Variants in CIT observed in about 807,000 individuals in gnomAD.
CIT encodes citron Rho-interacting kinase.
Under a neutral mutation model 272.7 loss-of-function variants are expected in CIT, and 79 were observed. That is an observed-to-expected ratio of 0.29 (90% CI 0.24 to 0.35). CIT has a LOEUF of 0.35. Ranked by LOEUF, CIT falls within the 10% of genes least tolerant of loss-of-function variation. The pLI, the probability that CIT is intolerant of heterozygous loss-of-function variation, is 1.00. For missense variants in CIT, 1,909 were observed against 2,618.3 expected, an observed-to-expected ratio of 0.73 and a Z score of 5.91; for synonymous variants, 948 against 995.6, an observed-to-expected ratio of 0.95 and a Z score of 0.90.
At chr12:119,722,016 G>A (rs991161817) in intron 28 of CIT, among the ~76,000 whole-genome samples, 1 of 152,050 alleles carries the variant, frequency 6.6e-6, no homozygotes, top group African/African-American at 2.4e-5. Context: ...CAACGTTGGG[G>A]GAAAAGAAGA....
intron 4 of CIT, among the ~76,000 whole-genome samples, chr12:119,851,603 G>A (rs1206501717): frequency 6.6e-6 from 1 of 152,222 alleles, no homozygotes; most frequent in East Asian, 1.9e-4. Flanking sequence ...GTTCTCAGTG[G>A]CCAAGTTGGG....
chr12:119,762,111 C>T (rs547488189), intron 19 of CIT, among the ~76,000 whole-genome samples: 24 of 152,256 alleles, frequency 1.6e-4, no homozygotes, highest in African/African-American at 5.8e-4. Flanking sequence ...CCAACAATGT[C>T]TATTGTGAAA....
rs1957267361 is a variant in CIT at position 119,713,239 on chromosome 12, A to T, written c.4543T>A (p.Ser1515Thr). 1 of 1,613,872 alleles carries T rather than the reference A, an allele frequency of 6.2e-7. No individual in the cohort carries two copies. Among genetic ancestry groups the T allele is most frequent in the Non-Finnish European group, 8.5e-7 (1 of 1,179,958 alleles). Residue 1515 changes from serine (S) to threonine (T), a missense_variant, in exon 35 of 48, where the codon TCA becomes ACA. Coordinates refer to ENST00000392521, the MANE Select transcript of CIT (RefSeq NM_001206999.2). The surrounding 1 kb of genome is among the most constrained non-coding windows in gnomAD (Gnocchi z 5.2). ...TCATTGTCATAAATGAGGACTTTTG[A>T]TCCCTCCAGGACAATGTACTTCCTG... ...WDRKYIVLEGSKVLIYDNEAR... is the reference protein window; with the variant it reads ...WDRKYIVLEGTKVLIYDNEAR...
chr12:119,847,067 C>T (rs1566120048), intron 5 of CIT, among the ~76,000 whole-genome samples: 1 of 151,902 alleles, frequency 6.6e-6, no homozygotes, highest in Non-Finnish European at 1.5e-5. Context: ...TCACTGCAAG[C>T]TCCGCCTCCC....
intron 27 of CIT, among the ~76,000 whole-genome samples, chr12:119,730,085 A>G (rs1205612235): frequency 1.3e-5 from 2 of 152,190 alleles, no homozygotes; most frequent in Non-Finnish European, 2.9e-5. Flanking sequence ...TGGAACACGG[A>G]GAAGCTGAGC....
At chr12:119,752,403 A>T (rs1381430320) in intron 22 of CIT, among the ~76,000 whole-genome samples, 156 bp from the exon 23 acceptor site, 1 of 152,216 alleles carries the variant, frequency 6.6e-6, no homozygotes, top group Non-Finnish European at 1.5e-5. Context: ...ATGCAACAAA[A>T]TGGGCCTGAG....
intron 26 of CIT, among the ~76,000 whole-genome samples, chr12:119,731,293 G>C (rs1958422050): frequency 6.6e-6 from 1 of 151,872 alleles, no homozygotes; most frequent in African/African-American, 2.4e-5. Flanking sequence ...TGGCCAACAT[G>C]GTGAAACCCC....
intron 7 of CIT, among the ~76,000 whole-genome samples, chr12:119,831,635 C>T (rs1455903591): frequency 6.6e-6 from 1 of 152,136 alleles, no homozygotes; most frequent in Non-Finnish European, 1.5e-5. Context: ...TTTGGGAGGC[C>T]GAAGCGAGTG....
chr12:119,825,093 C>T, intron 8 of CIT, 72 bp downstream of exon 8: 1 of 1,399,838 alleles, frequency 7.1e-7, no homozygotes, highest in Non-Finnish European at 9.9e-7. Flanking sequence ...AGCCACCACG[C>T]CCAGCCTCAT....
At chr12:119,872,125 T>A (rs1950696968) in intron 2 of CIT, among the ~76,000 whole-genome samples, 1 of 152,230 alleles carries the variant, frequency 6.6e-6, no homozygotes, top group Non-Finnish European at 1.5e-5. Context: ...TTAAAAATGG[T>A]CCTTTATTCT....
intron 40 of CIT, among the ~76,000 whole-genome samples, chr12:119,707,322 T>C (rs946653482): frequency 1.1e-4 from 17 of 152,344 alleles, no homozygotes; most frequent in Middle Eastern, 3.4e-3. Flanking sequence ...CACAAATTAT[T>C]TCACGTGCCT....
chr12:119,806,745 T>A (rs1966635590), intron 9 of CIT, among the ~76,000 whole-genome samples: 1 of 151,554 alleles, frequency 6.6e-6, no homozygotes, highest in African/African-American at 2.4e-5. Flanking sequence ...GAATTAGCCC[T>A]CCAAAAACTG....
chr12:119,699,251 C>T (rs536025658), intron 44 of CIT, among the ~76,000 whole-genome samples: 1 of 123,236 alleles, frequency 8.1e-6, no homozygotes, highest in African/African-American at 3.4e-5. Context: ...AGTGAAAATC[C>T]GACTCAAAAA....
At chr12:119,782,108 T>C (rs11064902) in intron 13 of CIT, 3,559 of 153,596 alleles carry the variant, frequency 0.023, 76 homozygotes, top group East Asian at 0.09. Context: ...TTGAATTTCA[T>C]ATAAATTTCA....
intron 3 of CIT, among the ~76,000 whole-genome samples, chr12:119,862,367 C>T (rs73418586): frequency 0.018 from 2,738 of 152,190 alleles, 80 homozygotes; most frequent in African/African-American, 0.063. Context: ...AAAATTGGCA[C>T]ACTATACAGC....
chr12:119,809,475 T>A (rs969209073), intron 9 of CIT, among the ~76,000 whole-genome samples: 2 of 152,204 alleles, frequency 1.3e-5, no homozygotes, highest in Non-Finnish European at 2.9e-5. Context: ...CATCCACGGT[T>A]CCTGGCTTAT....
chr12:119,800,849 A>T (rs1966134708), intron 10 of CIT, among the ~76,000 whole-genome samples: 1 of 152,300 alleles, frequency 6.6e-6, no homozygotes, highest in East Asian at 1.9e-4. Context: ...CTTTTATTAG[A>T]TTTCTAATTA....
At chr12:119,726,530 T>C (rs1165073628) in intron 28 of CIT, among the ~76,000 whole-genome samples, 2 of 151,758 alleles carry the variant, frequency 1.3e-5, no homozygotes, top group Non-Finnish European at 2.9e-5. Flanking sequence ...TATTTTATAC[T>C]CACCCGCAAA....
chr12:119,705,598 T>C (rs1396863765), intron 40 of CIT, among the ~76,000 whole-genome samples: 2 of 151,984 alleles, frequency 1.3e-5, no homozygotes, highest in African/African-American at 2.4e-5. Context: ...ATGAAAATAA[T>C]TTCTAATTTA....
Sources: allele counts gnomAD v4.1 joint callset (sites outside exome capture counted in the v4.1 genomes callset), GRCh38; gene constraint gnomAD v4.1.1; non-coding constraint Gnocchi (gnomAD v3.1); transcripts MANE v1.5; gene names NCBI Gene and HGNC (gene_info 2026-07-23, HGNC 2026-07-21).